FAAP20: variants seen among roughly 807,000 people sequenced by gnomAD.
FAAP20 encodes FA core complex associated protein 20.
Under a neutral mutation model 16.2 loss-of-function variants are expected in FAAP20, and 12 were observed. The observed-to-expected ratio is 0.74, with a 90% CI of 0.48 to 1.20. The LOEUF is 1.20. Ranked by LOEUF, FAAP20 falls within the 50% of genes most tolerant of loss-of-function variation. The probability of loss-of-function intolerance (pLI) is 0.00; values close to 1 mark genes in which losing one functional copy is unlikely to be tolerated. For synonymous variants in FAAP20, 141 were observed against 110.7 expected, an observed-to-expected ratio of 1.27 and a Z score of -1.72; for missense variants, 288 against 245.8, an observed-to-expected ratio of 1.17 and a Z score of -1.15.
upstream of FAAP20, chr1:2,197,901 C>T (rs556611498): frequency 4.9e-4 from 572 of 1,174,330 alleles, no homozygotes; most frequent in Non-Finnish European, 6.0e-4. Flanking sequence ...AATCCCCTCC[C>T]GCCTGACAGC....
chr1:2,194,635 A>C, intron 1 of FAAP20, 53 bp downstream of exon 1: 8 of 957,518 alleles, frequency 8.4e-6, no homozygotes, highest in East Asian at 5.8e-5. Flanking sequence ...GGCGCCGGGA[A>C]GCACGTGGGA....
chr1:2,197,997 A>G (rs1688890375), upstream of FAAP20: 2 of 1,286,300 alleles, frequency 1.6e-6, no homozygotes, highest in Non-Finnish European at 2.0e-6. Flanking sequence ...TTCACCTCCA[A>G]CAAACATACC....
At chr1:2,184,910 C>T (rs768626571), downstream of FAAP20, 8 of 1,612,364 alleles carry the variant, frequency 5.0e-6, no homozygotes, top group Middle Eastern at 1.6e-4. Context: ...CCCCTGCCAC[C>T]TTTGCCCACA....
chr1:2,211,435 A>ATT (rs1164460550), downstream of FAAP20, among the ~76,000 whole-genome samples: 3 of 8,564 alleles, frequency 3.5e-4, no homozygotes, highest in African/African-American at 9.4e-4. Flanking sequence ...ATATATATAT[A>ATT]TTTTTTTTTT....
At chr1:2,200,100 AG>A (rs1445773146), upstream of FAAP20, 1 of 150,390 alleles carries the variant, frequency 6.6e-6, no homozygotes, top group African/African-American at 2.5e-5. Flanking sequence ...AGAGAGAGAA[AG>A]AAAAGGAAAA....
upstream of FAAP20, among the ~76,000 whole-genome samples, chr1:2,197,321 C>T (rs770475871): frequency 3.9e-5 from 6 of 152,258 alleles, no homozygotes; most frequent in African/African-American, 1.2e-4. Context: ...TGCAGGTGCC[C>T]TGGCCACTGG....
chr1:2,192,535 G>C, intron 3 of FAAP20: 1 of 1,006,518 alleles, frequency 9.9e-7, no homozygotes, highest in Non-Finnish European at 1.2e-6. Context: ...CCTCCCCGGG[G>C]GGCGGGGGGC....
chr1:2,192,453 C>T (rs567527640), intron 3 of FAAP20: 3 of 996,576 alleles, frequency 3.0e-6, no homozygotes, highest in East Asian at 1.0e-4. Flanking sequence ...AGTTTTTCCT[C>T]GTGAACGTCC....
upstream of FAAP20, chr1:2,201,364 G>A: frequency 1.7e-6 from 1 of 580,100 alleles, no homozygotes; most frequent in Non-Finnish European, 2.3e-6. Context: ...CAGGGAGCAA[G>A]AAGGCACCGC....
chr1:2,211,993 C>T (rs950297786), downstream of FAAP20, among the ~76,000 whole-genome samples: 3 of 148,924 alleles, frequency 2.0e-5, no homozygotes, highest in Admixed American at 2.0e-4. Flanking sequence ...AGCTCCACCT[C>T]CCAGGTTCAC....
chr1:2,202,030 A>AAG (rs1192507435), upstream of FAAP20, among the ~76,000 whole-genome samples: 109 of 151,850 alleles, frequency 7.2e-4, 1 homozygote, highest in Middle Eastern at 0.014. Context: ...AAAAAAAAAA[A>AAG]AAGAAGAAGA....
chr1:2,188,119 C>A (rs935881703), downstream of FAAP20, among the ~76,000 whole-genome samples: 9 of 152,214 alleles, frequency 5.9e-5, no homozygotes, highest in Non-Finnish European at 1.3e-4. Context: ...CACGTCTGCC[C>A]CCAGATCTGT....
chr1:2,191,780 G>A lies in FAAP20; in HGVS notation c.470+1859C>T, dbSNP rs535331137. The A allele has an allele frequency of 3.6e-4, 348 of 958,846 alleles. No homozygotes were observed. The African/African-American group carries it at 5.4e-3, about 15-fold the overall frequency. 59.4% of individuals were successfully genotyped at this position (958,846 alleles called of 1,614,324 possible). A position where few individuals can be genotyped will look rare whatever the true frequency, so the allele number is the denominator to read the frequency against. The stretch of plus-strand genomic sequence containing the variant: ...ATCCCAGTGACCAACCCAGGGCCTC[G>A]CCACATCAACAGAGACAAAACGCAG... On this transcript the variant is annotated intron_variant, in intron 3 of 3. Transcript: ENST00000378546.
chr1:2,208,216 C>T (rs990942258), downstream of FAAP20, among the ~76,000 whole-genome samples: 3 of 152,074 alleles, frequency 2.0e-5, no homozygotes, highest in African/African-American at 7.2e-5. Flanking sequence ...TTCTTGGGAG[C>T]CCGGGGCCTT....
At chr1:2,200,788 C>T, upstream of FAAP20, 2 of 1,003,572 alleles carry the variant, frequency 2.0e-6, no homozygotes, top group Non-Finnish European at 2.4e-6. Flanking sequence ...GGAAGAGGCT[C>T]CCCCATGGGC....
intron 3 of FAAP20, among the ~76,000 whole-genome samples, chr1:2,205,927 C>T (rs1283630107): frequency 6.6e-6 from 1 of 152,280 alleles, no homozygotes; most frequent in Non-Finnish European, 1.5e-5. Context: ...CTTAAAAGGT[C>T]TTCATTCCTT....
intron 3 of FAAP20, chr1:2,192,067 C>T: frequency 1.0e-6 from 1 of 985,546 alleles, no homozygotes; most frequent in Non-Finnish European, 1.2e-6. Flanking sequence ...GCTCCAGGCT[C>T]AGCAGGCGCC....
chr1:2,193,433 C>T (rs1047644706), intron 3 of FAAP20: 54 of 772,022 alleles, frequency 7.0e-5, no homozygotes, highest in Admixed American at 3.5e-5. Context: ...CCTGCCCTGC[C>T]CACAGAGCAC....
upstream of FAAP20, chr1:2,198,011 T>A (rs1399130839): frequency 3.1e-6 from 4 of 1,290,144 alleles, no homozygotes; most frequent in Non-Finnish European, 4.0e-6. Context: ...ACATACCTTG[T>A]CCTGCCTGTC....
Sources: gnomAD v4.1 joint callset for allele counts (sites outside exome capture counted in the v4.1 genomes callset) on GRCh38, gnomAD v4.1.1 for gene constraint, MANE v1.5 for transcripts, NCBI Gene and HGNC (gene_info 2026-07-23, HGNC 2026-07-21) for gene names.